Variants in GFI1B observed in about 807,000 individuals in gnomAD.
The protein encoded by GFI1B is zinc finger protein Gfi-1b.
In GFI1B, 20 loss-of-function variants were observed where a neutral mutation model predicts 35.3. That is an observed-to-expected ratio of 0.57 (90% confidence interval 0.40 to 0.82). The LOEUF is 0.82. Among genes scored for constraint, GFI1B ranks in the 40% least tolerant of loss-of-function variants. GFI1B has a pLI of 0.00. For synonymous variants in GFI1B, 178 were observed against 177.6 expected (o/e 1.00, Z -0.02); for missense variants, 430 against 446.3 (o/e 0.96, Z 0.33).
At chr9:132,948,514 C>T (rs940757101) in intron 1 of GFI1B, among the ~76,000 whole-genome samples, 11 of 152,314 alleles carry the variant, frequency 7.2e-5, no homozygotes, top group Admixed American at 7.2e-4. Flanking sequence ...GGAAGGACAC[C>T]ACCAGCCAAA....
At chr9:132,947,809 CAAAAAAAAAAA>C (rs58406908) in intron 1 of GFI1B, among the ~76,000 whole-genome samples, 32,138 of 86,338 alleles carry the variant, frequency 0.37, 3,729 homozygotes, top group Middle Eastern at 0.42. Context: ...ACTTGGTCTC[CAAAAAAAAAAA>C]AAAAAAAAAA....
intron 1 of GFI1B, among the ~76,000 whole-genome samples, chr9:132,945,988 C>T (rs1195465462): frequency 6.6e-6 from 1 of 152,156 alleles, no homozygotes; most frequent in Admixed American, 6.5e-5. Context: ...TCTGAAAAGG[C>T]CCTGGATGGT....
Position 132,950,388 on chromosome 9 carries a change from C to T in GFI1B, c.-701+4719C>T, listed in dbSNP as rs140058358. The stretch of plus-strand genomic sequence containing the variant: ...CATACCTCCATTCCTTCCACCACAC[C>T]GCCTGCTTACTCAGGTTGTGCTTAT... On this transcript the variant is annotated intron_variant, in intron 1 of 10. Transcript: ENST00000339463. Among the ~76,000 whole-genome samples the T allele has an allele frequency of 6.2e-3, 946 of 151,942 alleles. 7 individuals carry two copies. The highest frequency in any genetic ancestry group is 0.02 in the African/African-American group (848 of 41,372).
intron 1 of GFI1B, among the ~76,000 whole-genome samples, chr9:132,955,358 T>C (rs557919638): frequency 3.9e-5 from 6 of 152,222 alleles, no homozygotes; most frequent in African/African-American, 1.4e-4. Flanking sequence ...GGTGTGTTAG[T>C]AGCTCACTGC....
intron 1 of GFI1B, among the ~76,000 whole-genome samples, chr9:132,969,595 C>A (rs1359008199): frequency 6.6e-6 from 1 of 152,174 alleles, no homozygotes; most frequent in South Asian, 2.1e-4. Context: ...ACTGTGAACA[C>A]GGGTGTGCAA....
chr9:132,990,542 T>G (rs532536409), intron 6 of GFI1B, among the ~76,000 whole-genome samples: 1 of 152,392 alleles, frequency 6.6e-6, no homozygotes, highest in East Asian at 1.9e-4. Flanking sequence ...CCTTCACTCA[T>G]TCATTCACTT....
chr9:132,970,565 G>T (rs1029849244), intron 1 of GFI1B, among the ~76,000 whole-genome samples: 4 of 152,172 alleles, frequency 2.6e-5, no homozygotes, highest in African/African-American at 7.2e-5. Flanking sequence ...TGGCCAGGGG[G>T]GTGTGTCTGT....
intron 1 of GFI1B, among the ~76,000 whole-genome samples, chr9:132,981,841 C>T (rs1564532143): frequency 6.6e-6 from 1 of 152,124 alleles, no homozygotes; most frequent in Non-Finnish European, 1.5e-5. Context: ...CAACCTCCGC[C>T]TTCTGGGTTC....
chr9:132,957,479 A>G (rs1307778847), intron 1 of GFI1B, among the ~76,000 whole-genome samples: 1 of 152,342 alleles, frequency 6.6e-6, no homozygotes. Flanking sequence ...CAACAATGAC[A>G]TACTAGCATC....
At chr9:132,972,602 G>A (rs74424043) in intron 1 of GFI1B, 7,874 of 152,338 alleles carry the variant, frequency 0.052, 334 homozygotes, top group East Asian at 0.17. Context: ...TGAAAAAATA[G>A]TTAATGGGGA....
upstream of GFI1B, among the ~76,000 whole-genome samples, chr9:132,976,062 G>T (rs1335718991): frequency 1.3e-5 from 2 of 152,204 alleles, no homozygotes; most frequent in African/African-American, 4.8e-5. Flanking sequence ...CCCTGTGTCA[G>T]TTACTCACGG....
At chr9:132,958,742 A>G (rs1848320648) in intron 1 of GFI1B, among the ~76,000 whole-genome samples, 1 of 152,154 alleles carries the variant, frequency 6.6e-6, no homozygotes, top group South Asian at 2.1e-4. Flanking sequence ...ATTCCCTGAG[A>G]CATGAGGTAG....
chr9:132,991,882 C>G (rs1357187226), downstream of GFI1B, among the ~76,000 whole-genome samples: 1 of 151,976 alleles, frequency 6.6e-6, no homozygotes, highest in Non-Finnish European at 1.5e-5. Context: ...AGAAGGGGCC[C>G]GTGCGACAAG....
intron 1 of GFI1B, among the ~76,000 whole-genome samples, chr9:132,968,061 T>C (rs1019061703): frequency 1.3e-5 from 2 of 151,808 alleles, no homozygotes; most frequent in Admixed American, 6.6e-5. Context: ...GGATTACAGG[T>C]GTGAGCCACA....
chr9:132,981,216 G>C (rs1848809771), intron 1 of GFI1B, among the ~76,000 whole-genome samples: 2 of 152,180 alleles, frequency 1.3e-5, no homozygotes, highest in South Asian at 4.1e-4. Flanking sequence ...ATGTTGTTTG[G>C]ACATTCATCT....
At chr9:132,950,486 C>A (rs1352826242) in intron 1 of GFI1B, among the ~76,000 whole-genome samples, 1 of 151,006 alleles carries the variant, frequency 6.6e-6, no homozygotes, top group Non-Finnish European at 1.5e-5. Flanking sequence ...CCCTTGAAAC[C>A]TCTACTTCAA....
intron 1 of GFI1B, among the ~76,000 whole-genome samples, chr9:132,966,795 G>A (rs1427716965): frequency 6.6e-6 from 1 of 152,204 alleles, no homozygotes; most frequent in Non-Finnish European, 1.5e-5. Context: ...GCCTCCTGAT[G>A]CAGTGAAGCC....
At chr9:132,952,022 G>A (rs1042693309) in intron 1 of GFI1B, 8 of 151,978 alleles carry the variant, frequency 5.3e-5, no homozygotes, top group Admixed American at 3.3e-4. Context: ...TCCCACCTCC[G>A]CCTCCCAAAG....
chr9:132,945,767 A>G (rs1226680688), intron 1 of GFI1B: 2 of 154,022 alleles, frequency 1.3e-5, no homozygotes, highest in African/African-American at 4.8e-5. Context: ...TTTTGCATCA[A>G]CCTAATAGAA....
Sources: allele counts gnomAD v4.1 joint callset (sites outside exome capture counted in the v4.1 genomes callset), GRCh38; gene constraint gnomAD v4.1.1; transcripts MANE v1.5; gene names NCBI Gene and HGNC (gene_info 2026-07-23, HGNC 2026-07-21).